Variants in ZNF396 observed in about 807,000 individuals in gnomAD.
ZNF396 encodes zinc finger and SCAN domain-containing protein 14.
A neutral mutation model predicts 20.5 loss-of-function variants in ZNF396; 14 were observed. The ratio of observed to expected loss-of-function variants is 0.68; its 90% CI spans 0.45 to 1.07. The LOEUF (loss-of-function observed/expected upper bound fraction) is 1.07, where lower values mean the gene tolerates loss of function less well. ZNF396 is among the 50% of genes least tolerant of loss of function. The pLI is 0.00. For missense variants in ZNF396, 347 were observed against 390.1 expected, an observed-to-expected ratio of 0.89 and a Z score of 0.93; for synonymous variants, 119 against 140.6, an observed-to-expected ratio of 0.85 and a Z score of 1.08.
intron 3 of ZNF396, chr18:35,371,977 C>G (rs1336283719): frequency 6.6e-6 from 1 of 152,098 alleles, no homozygotes; most frequent in Admixed American, 6.5e-5. Context: ...GTACTGAGAC[C>G]AAGATCATCT....
At chr18:35,369,738 T>A (rs2045147737) in intron 3 of ZNF396, 78 bp from the exon 4 acceptor site, 12 of 1,384,056 alleles carry the variant, frequency 8.7e-6, no homozygotes, top group Admixed American at 4.7e-5. Flanking sequence ...TGCTAGCATG[T>A]TTATAAAACA....
rs75989958 is a variant in ZNF396, at chr18:35,373,869, T to C, written c.417+7A>G. 153 of 1,606,436 alleles carry C rather than the reference T, an allele frequency of 9.5e-5. 1 individual carries two copies. The East Asian group carries it at 2.9e-3, about 30-fold the overall frequency. ...TGGGGGTTCATCTCCACAGGCATCC[T>C]TCTTACCTGCTTTGGTCCATCAAGC... is the stretch of plus-strand genomic sequence containing the variant. On this transcript the variant is annotated splice_region_variant and intron_variant, in intron 2 of 3. Transcript: ENST00000589332.
chr18:35,373,289 C>G lies in ZNF396; in HGVS notation c.562+167G>C, dbSNP rs115329732. ...AGAATCTCTGAAAAAGAAGCAAGAACAAAATACTGAAGATCTTCATTTAGT... is the reference window on the plus strand; with the variant it reads ...AGAATCTCTGAAAAAGAAGCAAGAAGAAAATACTGAAGATCTTCATTTAGT... On this transcript the variant is annotated intron_variant, in intron 3 of 3. Transcript: ENST00000589332. 4,493 of 771,700 alleles carry G rather than the reference C, an allele frequency of 5.8e-3. 162 individuals are homozygous for G. The African/African-American group carries it at 0.074, about 13-fold the overall frequency. 47.8% of individuals were successfully genotyped at this position (771,700 alleles called of 1,614,324 possible).
At position 35,374,332 on chromosome 18, in the gene ZNF396, C is replaced by T. The variant is rs546399853; in HGVS notation, c.-40G>A. 1 of 1,582,066 alleles carries T rather than the reference C, an allele frequency of 6.3e-7. No homozygotes were observed. The highest frequency in any genetic ancestry group is 1.1e-5 in the South Asian group (1 of 88,022). On this transcript the variant is annotated 5_prime_UTR_variant, in exon 2 of 4. Coordinates refer to ENST00000589332, the MANE Select transcript of ZNF396 (RefSeq NM_001322286.2). This position sits in a 1 kb window ranked among gnomAD's most constrained non-coding sequence, Gnocchi z 4.3. ...AGCTCAGTACTGTTAGGCTTTAATCCTCAAGGAGGTGAAGCTGTCCTGATG... is the reference window on the plus strand; with the variant it reads ...AGCTCAGTACTGTTAGGCTTTAATCTTCAAGGAGGTGAAGCTGTCCTGATG...
At position 35,374,179 on chromosome 18, in the gene ZNF396, A is replaced by G; in HGVS notation, c.114T>C (p.Ser38=). 1 of 1,614,236 alleles carries G rather than the reference A, an allele frequency of 6.2e-7. No homozygotes were observed. The highest frequency in any genetic ancestry group is 8.5e-7 in the Non-Finnish European group (1 of 1,180,036). The change falls in exon 2 of 4, where the codon TCT becomes TCC. Residue 38 remains serine, a synonymous_variant. Transcript: ENST00000589332. The surrounding 1 kb of genome is among the most constrained non-coding windows in gnomAD (Gnocchi z 4.3). ...TGTAGCTGCTGCTCCAGTGGAGGCTAGAGTCTGGATCACAGGTCTGCTCTT... is the reference window on the plus strand; with the variant it reads ...TGTAGCTGCTGCTCCAGTGGAGGCTGGAGTCTGGATCACAGGTCTGCTCTT... ...EEEEQTCDPD[S]SLHWSSSYSP...
intron 1 of ZNF396, chr18:35,376,336 A>C (rs2045257235): frequency 6.6e-6 from 1 of 152,222 alleles, no homozygotes; most frequent in Non-Finnish European, 1.5e-5. Flanking sequence ...CACTGTTTTG[A>C]ACACCTTAGT....
chr18:35,377,027 C>T (rs1041998903), intron 1 of ZNF396, among the ~76,000 whole-genome samples: 2 of 152,016 alleles, frequency 1.3e-5, no homozygotes, highest in African/African-American at 4.8e-5. Context: ...GCAGGTGGCG[C>T]GGGTTCACCT....
Position 35,368,884 on chromosome 18 carries a change from T to G in ZNF396, c.*331A>C. ...TTCTCAATGAGGGAAAAAACATACT[T>G]GTCTAAAAAGATATATACTAATTCA... On this transcript the variant is annotated 3_prime_UTR_variant, in exon 4 of 4. Transcript: ENST00000589332. 9.6e-7 allele frequency: 1 copy of G among 1,044,434 alleles called. No homozygotes were observed. The allele number at this position is 1,044,434 out of a possible 1,614,324, so 64.7% of individuals were successfully genotyped here. A position where few individuals can be genotyped will look rare whatever the true frequency, so the allele number is the denominator to read the frequency against.
Position 35,374,316 on chromosome 18 carries a change from CTG to C in ZNF396, c.-26_-25del. 1 of 1,600,948 alleles carries C rather than the reference CTG, an allele frequency of 6.2e-7. No homozygotes were observed. On this transcript the variant is annotated 5_prime_UTR_variant, in exon 2 of 4. Transcript: ENST00000589332. The surrounding 1 kb of genome is among the most constrained non-coding windows in gnomAD (Gnocchi z 4.3). ...ATTTTGACAGACAAATAGCTCAGTA[CTG>C]TTAGGCTTTAATCCTCAAGGAGGTG... is the stretch of plus-strand genomic sequence containing the variant.
intron 3 of ZNF396, 67 bp from the exon 4 acceptor site, chr18:35,369,727 T>C (rs975970568): frequency 3.5e-6 from 5 of 1,425,344 alleles, no homozygotes; most frequent in Non-Finnish European, 4.7e-6. Context: ...TACATGATTA[T>C]TGCTAGCATG....
chr18:35,376,477 G>A (rs1003294157), intron 1 of ZNF396, among the ~76,000 whole-genome samples: 4 of 152,210 alleles, frequency 2.6e-5, no homozygotes, highest in Non-Finnish European at 5.9e-5. Context: ...AACCCAGGCC[G>A]TCCACATTTA....
rs1215755366 is a variant in ZNF396, at chr18:35,369,054, T to C, written c.*161A>G. 1 of 1,391,288 alleles carries C rather than the reference T, an allele frequency of 7.2e-7. No homozygotes were observed. Among genetic ancestry groups the C allele is most frequent in the Non-Finnish European group, 9.3e-7 (1 of 1,077,994 alleles). The allele number at this position is 1,391,288 out of a possible 1,614,324, so 86.2% of individuals were successfully genotyped here. A position where few individuals can be genotyped will look rare whatever the true frequency, so the allele number is the denominator to read the frequency against. ...TGATAAGCAGAAAAGCAAATAATGC[T>C]GACCTGAGATCTTCAACCTTCTCTC... On this transcript the variant is annotated 3_prime_UTR_variant, in exon 4 of 4. Transcript: ENST00000589332.
In ZNF396 at chr18:35,367,931, C is replaced by A. The variant is rs1221091953; in HGVS notation, c.*1284G>T. ...ATACAGAAGACTCTGAAAAGGTTGT[C>A]TTGTGATGCTTGAAACATATTCATA... On this transcript the variant is annotated 3_prime_UTR_variant, in exon 4 of 4. Transcript: ENST00000589332. 2.0e-5 allele frequency: 3 copies of A among 152,292 alleles called. No homozygotes were observed. The highest frequency in any genetic ancestry group is 4.4e-5 in the Non-Finnish European group (3 of 68,122). The allele number at this position is 152,292 out of a possible 1,614,324, so 9.4% of individuals were successfully genotyped here.
At chr18:35,375,153 A>C (rs2045238830) in intron 1 of ZNF396, among the ~76,000 whole-genome samples, 1 of 151,908 alleles carries the variant, frequency 6.6e-6, no homozygotes, top group Non-Finnish European at 1.5e-5. Flanking sequence ...AAAATAAACC[A>C]ATCAGCTGGG....
rs369252353 is a variant in ZNF396, at chr18:35,374,590, G to A, written c.-72-226C>T. The A allele has an allele frequency of 1.5e-4, 32 of 207,020 alleles. No homozygotes were observed. The highest frequency in any genetic ancestry group is 7.4e-4 in the African/African-American group (32 of 43,272). The allele number at this position is 207,020 out of a possible 1,614,324, so 12.8% of individuals were successfully genotyped here. The stretch of plus-strand genomic sequence containing the variant: ...CGGCTCACTGCAACCTCTGCCTCCT[G>A]GGTTCAAGTGATTCTCATGCTTCAG... On this transcript the variant is annotated intron_variant, in intron 1 of 3. Coordinates refer to ENST00000589332, the MANE Select transcript of ZNF396 (RefSeq NM_001322286.2). This position sits in a 1 kb window ranked among gnomAD's most constrained non-coding sequence, Gnocchi z 4.3.
rs757031635 is a variant in ZNF396, at chr18:35,374,343, G to A, written c.-51C>T. ...GTTAGGCTTTAATCCTCAAGGAGGTGAAGCTGTCCTGATGGACACTCCTTA... is the reference window on the plus strand; with the variant it reads ...GTTAGGCTTTAATCCTCAAGGAGGTAAAGCTGTCCTGATGGACACTCCTTA... On this transcript the variant is annotated 5_prime_UTR_variant, in exon 2 of 4. Transcript: ENST00000589332. This position sits in a 1 kb window ranked among gnomAD's most constrained non-coding sequence, Gnocchi z 4.3. The A allele has an allele frequency of 9.0e-6, 14 of 1,553,082 alleles. No individual in the cohort carries two copies. Among genetic ancestry groups the A allele is most frequent in the Non-Finnish European group, 1.0e-5 (12 of 1,144,220 alleles).
Position 35,367,698 on chromosome 18 carries a change from T to G in ZNF396, c.*1517A>C, listed in dbSNP as rs2045113889. On this transcript the variant is annotated 3_prime_UTR_variant, in exon 4 of 4. Transcript: ENST00000589332. ...TGAATTAAATGCAGGTAAAACATAGTTACTCATATCCCATAGATAAGCCAA... is the reference window on the plus strand; with the variant it reads ...TGAATTAAATGCAGGTAAAACATAGGTACTCATATCCCATAGATAAGCCAA... The G allele has an allele frequency of 6.6e-6, 1 of 152,240 alleles. No individual in the cohort carries two copies. The highest frequency in any genetic ancestry group is 2.1e-4 in the South Asian group (1 of 4,834). 9.4% of individuals were successfully genotyped at this position (152,240 alleles called of 1,614,324 possible). A position where few individuals can be genotyped will look rare whatever the true frequency, so the allele number is the denominator to read the frequency against.
At chr18:35,372,989 G>A (rs1016675981) in intron 3 of ZNF396, 15 of 161,302 alleles carry the variant, frequency 9.3e-5, no homozygotes, top group Non-Finnish European at 1.6e-4. Flanking sequence ...AGCAGTTGAG[G>A]CCAGTTGAAG....
In ZNF396 at chr18:35,368,948, A is replaced by C. The variant is rs2045133431; in HGVS notation, c.*267T>G. On this transcript the variant is annotated 3_prime_UTR_variant, in exon 4 of 4. Coordinates refer to ENST00000589332, the MANE Select transcript of ZNF396 (RefSeq NM_001322286.2). ...TAATGAAAATAGTAGAACATGTCTG[A>C]GAATGCCTTTTCAAGGCCTGCATAG... The C allele has an allele frequency of 8.1e-7, 1 of 1,241,608 alleles. No individual in the cohort carries two copies. The highest frequency in any genetic ancestry group is 1.0e-6 in the Non-Finnish European group (1 of 993,144). 76.9% of individuals were successfully genotyped at this position (1,241,608 alleles called of 1,614,324 possible).
Sources: allele counts gnomAD v4.1 joint callset (sites outside exome capture counted in the v4.1 genomes callset), GRCh38; gene constraint gnomAD v4.1.1; non-coding constraint Gnocchi (gnomAD v3.1); transcripts MANE v1.5; gene names NCBI Gene and HGNC (gene_info 2026-07-23, HGNC 2026-07-21).